NMT2: variants seen among roughly 807,000 people sequenced by gnomAD.
NMT2 encodes the protein N-myristoyltransferase 2, also known as glycylpeptide N-tetradecanoyltransferase 2.
NMT2 carries 35 observed loss-of-function variants against 65.4 expected under a neutral mutation model. The observed-to-expected ratio is 0.54, with a 90% CI of 0.41 to 0.71. The LOEUF is 0.71. Ranked by LOEUF, NMT2 falls within the 30% of genes least tolerant of loss-of-function variation. The pLI is 0.00. For missense variants in NMT2, 489 were observed against 611.3 expected (o/e 0.80, Z 2.11); for synonymous variants, 226 against 231.8 (o/e 0.98, Z 0.23).
chr10:15,106,213 C>G lies in NMT2; in HGVS notation c.*2982G>C, dbSNP rs1052096217. 4 of 203,854 alleles carry G rather than the reference C, an allele frequency of 2.0e-5. No individual in the cohort carries two copies. The highest frequency in any genetic ancestry group is 4.2e-5 in the Non-Finnish European group (4 of 95,598). The allele number at this position is 203,854 out of a possible 1,614,324, so 12.6% of individuals were successfully genotyped here. On this transcript the variant is annotated 3_prime_UTR_variant, in exon 12 of 12. Transcript: ENST00000378165. ...TTCACCATGTTGGCCAGGCTGGTCT[C>G]AAGACTCCTGACCTCAAGTGATCTG...
At chr10:15,124,537 C>T (rs1419252811) in intron 8 of NMT2, among the ~76,000 whole-genome samples, 1 of 152,218 alleles carries the variant, frequency 6.6e-6, no homozygotes, top group Admixed American at 6.5e-5. Context: ...ATGAAAAAGA[C>T]AGAAAGCTGG....
At position 15,108,039 on chromosome 10, in the gene NMT2, C is replaced by T. The variant is rs1845367321; in HGVS notation, c.*1156G>A. On this transcript the variant is annotated 3_prime_UTR_variant, in exon 12 of 12. Coordinates refer to ENST00000378165, the MANE Select transcript of NMT2 (RefSeq NM_004808.3). ...TAAAAACATTCAAACTATCAATGCC[C>T]TGATAGCACGAATAAGTTCCACCAG... 1 of 985,794 alleles carries T rather than the reference C, an allele frequency of 1.0e-6. No individual in the cohort carries two copies. The highest frequency in any genetic ancestry group is 1.2e-6 in the Non-Finnish European group (1 of 829,924). 61.1% of individuals were successfully genotyped at this position (985,794 alleles called of 1,614,324 possible).
intron 8 of NMT2, among the ~76,000 whole-genome samples, chr10:15,120,174 G>A (rs988379114): frequency 1.3e-5 from 2 of 152,130 alleles, no homozygotes; most frequent in African/African-American, 4.8e-5. Context: ...AAGTATACAG[G>A]ACAGGGGGCA....
intron 9 of NMT2, among the ~76,000 whole-genome samples, chr10:15,118,705 T>C (rs933370774): frequency 6.6e-6 from 1 of 152,042 alleles, no homozygotes; most frequent in Non-Finnish European, 1.5e-5. Context: ...ATTAACAAGA[T>C]ACTGTTCCAT....
chr10:15,112,192 A>ATATATATATATATATATATT (rs1564557141), intron 10 of NMT2, among the ~76,000 whole-genome samples: 2 of 9,806 alleles, frequency 2.0e-4, no homozygotes, highest in Non-Finnish European at 3.5e-4. Context: ...ATATATATAT[A>ATATATATATATATATATATT]TATATATATA....
rs1846752181 is a variant in NMT2, at chr10:15,141,407, A to C, written c.246+15T>G. ...GAGAAACCACACAGAGGAAAAAATA[A>C]AACAGAGCTCTCACTTTCGAAGGCT... On this transcript the variant is annotated intron_variant, in intron 2 of 11. Transcript: ENST00000378165. 1 of 1,613,466 alleles carries C rather than the reference A, an allele frequency of 6.2e-7. No individual in the cohort carries two copies. Among genetic ancestry groups the C allele is most frequent in the African/African-American group, 1.3e-5 (1 of 74,802 alleles).
rs529378611 is a variant in NMT2 at position 15,136,395 on chromosome 10, AG to A, written c.247-978del. ...GAGGGAGGAAGGAAGGAAGGAAGGT[AG>A]GGGGGAGAGACAGAGAGGGAGAGGG... On this transcript the variant is annotated intron_variant, in intron 2 of 11. Coordinates refer to ENST00000378165, the MANE Select transcript of NMT2 (RefSeq NM_004808.3). 9.7e-3 allele frequency among the ~76,000 whole-genome samples: 1,254 copies of A among 128,820 alleles called. 20 individuals carry two copies. Among genetic ancestry groups the A allele is most frequent in the African/African-American group, 0.034 (1,186 of 35,006 alleles). The allele number at this position is 128,820 out of a possible 152,430, so 84.5% of individuals were successfully genotyped here. A position where few individuals can be genotyped will look rare whatever the true frequency, so the allele number is the denominator to read the frequency against.
chr10:15,131,040 G>A (rs867076400), intron 6 of NMT2, among the ~76,000 whole-genome samples: 2 of 151,830 alleles, frequency 1.3e-5, no homozygotes, highest in Admixed American at 6.6e-5. Flanking sequence ...TACCTGCCTC[G>A]ATCTCCCAAA....
At chr10:15,130,825 T>C (rs1419381190) in intron 6 of NMT2, among the ~76,000 whole-genome samples, 2 of 140,652 alleles carry the variant, frequency 1.4e-5, no homozygotes, top group Non-Finnish European at 3.1e-5. Context: ...ATTGTCGCAC[T>C]GTCACCCAGG....
rs1186991203 is a variant in NMT2 at position 15,107,239 on chromosome 10, TC to T, written c.*1955del. 1 of 722,434 alleles carries T rather than the reference TC, an allele frequency of 1.4e-6. No homozygotes were observed. Among genetic ancestry groups the T allele is most frequent in the Non-Finnish European group, 1.7e-6 (1 of 589,978 alleles). 44.8% of individuals were successfully genotyped at this position (722,434 alleles called of 1,614,324 possible). On this transcript the variant is annotated 3_prime_UTR_variant, in exon 12 of 12. Transcript: ENST00000378165. Reference sequence around the variant, plus strand: ...TTTTTGGCTTTTTCTCCTCAACCATTCCAGAAAATAAAAACATTCTTAGCCT... The same window carrying T: ...TTTTTGGCTTTTTCTCCTCAACCATTCAGAAAATAAAAACATTCTTAGCCT...
intron 3 of NMT2, 106 bp from the exon 4 acceptor site, chr10:15,133,469 T>G (rs1446816434): frequency 1.7e-5 from 14 of 811,942 alleles, no homozygotes; most frequent in Non-Finnish European, 3.0e-5. Flanking sequence ...AAAATCTGAC[T>G]TAGGGCCCTC....
intron 1 of NMT2, 108 bp downstream of exon 1, chr10:15,168,395 C>T (rs751186434): frequency 1.4e-6 from 1 of 740,104 alleles, no homozygotes; most frequent in Non-Finnish European, 2.2e-6. Flanking sequence ...CATCGCGGGG[C>T]GGAGCGGCCG....
chr10:15,155,272 A>G (rs773408438), intron 1 of NMT2: 2 of 1,438,182 alleles, frequency 1.4e-6, no homozygotes. Context: ...ACGTGCCCCA[A>G]GGCCTCGCTG....
intron 2 of NMT2, among the ~76,000 whole-genome samples, chr10:15,136,037 G>A (rs1846479057): frequency 6.6e-6 from 1 of 152,038 alleles, no homozygotes; most frequent in Admixed American, 6.6e-5. Flanking sequence ...AGACCAGCCT[G>A]GCCAACACGG....
At chr10:15,148,280 C>G (rs1339386571) in intron 1 of NMT2, among the ~76,000 whole-genome samples, 1 of 152,190 alleles carries the variant, frequency 6.6e-6, no homozygotes, top group African/African-American at 2.4e-5. Context: ...GAGGACAAGG[C>G]AGGAGGGCTG....
chr10:15,162,251 CAAAAA>C, intron 1 of NMT2, among the ~76,000 whole-genome samples: 1 of 68,152 alleles, frequency 1.5e-5, no homozygotes, highest in South Asian at 5.4e-4. Context: ...GACCTTGTCT[CAAAAA>C]AAAAAAAAAA....
intron 10 of NMT2, among the ~76,000 whole-genome samples, chr10:15,110,608 C>T (rs1845478927): frequency 6.6e-6 from 1 of 151,552 alleles, no homozygotes; most frequent in South Asian, 2.1e-4. Flanking sequence ...TGCACTTAAA[C>T]CTGAGCAACA....
chr10:15,135,154 GAAAT>G (rs1253385335), intron 3 of NMT2, 116 bp downstream of exon 3: 1 of 1,022,782 alleles, frequency 9.8e-7, no homozygotes, highest in African/African-American at 1.6e-5. Context: ...TCTGTGGTAT[GAAAT>G]AAATGATACA....
intron 7 of NMT2, among the ~76,000 whole-genome samples, chr10:15,129,614 T>A (rs1564569840): frequency 6.6e-6 from 1 of 152,210 alleles, no homozygotes; most frequent in Non-Finnish European, 1.5e-5. Context: ...AATTTTAAGA[T>A]CATCATGTCC....
Sources: gnomAD v4.1 joint callset for allele counts (sites outside exome capture counted in the v4.1 genomes callset) on GRCh38, gnomAD v4.1.1 for gene constraint, MANE v1.5 for transcripts, NCBI Gene and HGNC (gene_info 2026-07-23, HGNC 2026-07-21) for gene names.